The following IGFL3 variants were observed in gnomAD, a reference collection of about 807,000 sequenced individuals.
IGFL3 encodes the protein insulin growth factor-like family member 3.
In IGFL3, 12 loss-of-function variants were observed where a neutral mutation model predicts 17.0. The observed-to-expected ratio is 0.71, with a 90% CI of 0.45 to 1.14. The LOEUF (loss-of-function observed/expected upper bound fraction) is 1.14. IGFL3 is among the 50% of genes most tolerant of loss of function. IGFL3 has a pLI of 0.00. For synonymous variants in IGFL3, 52 were observed against 57.4 expected (o/e 0.91, Z 0.42); for missense variants, 153 against 151.6 (o/e 1.01, Z -0.05).
rs1971670332 is a variant in IGFL3 at position 46,120,108 on chromosome 19, T to C, written c.*222A>G. 1 of 577,786 alleles carries C rather than the reference T, an allele frequency of 1.7e-6. No individual in the cohort carries two copies. Among genetic ancestry groups the C allele is most frequent in the Admixed American group, 3.2e-5 (1 of 30,864 alleles). The allele number at this position is 577,786 out of a possible 1,614,324, so 35.8% of individuals were successfully genotyped here. A position where few individuals can be genotyped will look rare whatever the true frequency, so the allele number is the denominator to read the frequency against. On this transcript the variant is annotated 3_prime_UTR_variant, in exon 4 of 4. Coordinates refer to ENST00000341415, the MANE Select transcript of IGFL3 (RefSeq NM_207393.2). The stretch of plus-strand genomic sequence containing the variant: ...TGGGGGATTTTATTGCCGATGAAAG[T>C]GGCTCTCAGCGGGAAGGGGAGCTGG...
At chr19:46,123,819 T>C (rs982869732) in intron 3 of IGFL3, 67 bp downstream of exon 3, 2 of 1,504,688 alleles carry the variant, frequency 1.3e-6, no homozygotes, top group Admixed American at 4.2e-5. Flanking sequence ...GGAGTTCCTC[T>C]TCAAGCCCTC....
intron 1 of IGFL3, 48 bp from the exon 2 acceptor site, chr19:46,124,369 A>G: frequency 6.4e-7 from 1 of 1,554,592 alleles, no homozygotes; most frequent in Non-Finnish European, 8.8e-7. Flanking sequence ...GAATGTGACA[A>G]GTATGGAAAA....
At chr19:46,121,840 C>T (rs2146714372) in intron 3 of IGFL3, among the ~76,000 whole-genome samples, 1 of 151,100 alleles carries the variant, frequency 6.6e-6, no homozygotes, top group East Asian at 2.0e-4. Context: ...TAGGTTGGTG[C>T]TTGTGCTGGA....
chr19:46,124,501 G>A (rs1971981902), intron 1 of IGFL3, 124 bp downstream of exon 1: 2 of 1,176,206 alleles, frequency 1.7e-6, no homozygotes, highest in Non-Finnish European at 1.3e-6. Flanking sequence ...CACCCTTTGA[G>A]GTGACTAGTA....
chr19:46,120,429 C>T (rs1971695506), intron 3 of IGFL3, 72 bp from the exon 4 acceptor site: 1 of 1,597,024 alleles, frequency 6.3e-7, no homozygotes, highest in South Asian at 1.1e-5. Context: ...CCTACAAAAG[C>T]AATTTTAACA....
At chr19:46,122,241 T>C (rs1971815380) in intron 3 of IGFL3, among the ~76,000 whole-genome samples, 1 of 151,130 alleles carries the variant, frequency 6.6e-6, no homozygotes, top group African/African-American at 2.5e-5. Flanking sequence ...AGGCAGGCTA[T>C]ATATAATTTG....
Position 46,124,637 on chromosome 19 carries a change from A to G in IGFL3, c.13T>C (p.Cys5Arg), listed in dbSNP as rs1374747677. The change falls in exon 1 of 4, where the codon TGC (cysteine) becomes CGC (arginine). Residue 5 changes from cysteine (C) to arginine (R), a missense_variant. Transcript: ENST00000341415. ...GGGTCCTACTTGCCCAAGATGCAGC[A>G]TCGTGGCCTCATGCTTCCAAAGATG... The part of the protein sequence containing the change: MRPR[C>R]CILALVCWIT... The G allele has an allele frequency of 1.2e-6, 2 of 1,609,524 alleles. No homozygotes were observed. Among genetic ancestry groups the G allele is most frequent in the Admixed American group, 1.7e-5 (1 of 59,694 alleles).
intron 3 of IGFL3, among the ~76,000 whole-genome samples, chr19:46,121,573 A>G (rs1971771746): frequency 6.8e-6 from 1 of 146,616 alleles, no homozygotes. Flanking sequence ...GACAAAGACA[A>G]GAAGAGAGGA....
Position 46,123,804 on chromosome 19 carries a change from A to C in IGFL3, c.350+82T>G. ...GACTCTTTTGCCGTTAGAACTCCACAAACAGGAGTTCCTCTTCAAGCCCTC... is the reference window on the plus strand; with the variant it reads ...GACTCTTTTGCCGTTAGAACTCCACCAACAGGAGTTCCTCTTCAAGCCCTC... On this transcript the variant is annotated intron_variant, in intron 3 of 3. Coordinates refer to ENST00000341415, the MANE Select transcript of IGFL3 (RefSeq NM_207393.2). The C allele has an allele frequency of 2.8e-6, 4 of 1,440,784 alleles. 1 individual carries two copies. Among genetic ancestry groups the C allele is most frequent in the East Asian group, 4.7e-5 (2 of 42,728 alleles). The allele number at this position is 1,440,784 out of a possible 1,614,324, so 89.2% of individuals were successfully genotyped here. A position where few individuals can be genotyped will look rare whatever the true frequency, so the allele number is the denominator to read the frequency against.
chr19:46,120,349 C>G lies in IGFL3; in HGVS notation c.359G>C (p.Arg120Thr), dbSNP rs2146706842. 2 of 1,611,122 alleles carry G rather than the reference C, an allele frequency of 1.2e-6. No homozygotes were observed. The highest frequency in any genetic ancestry group is 4.5e-5 in the East Asian group (2 of 44,374). Residue 120 changes from arginine to threonine, a missense_variant, in exon 4 of 4, where the codon AGG becomes ACG. Physicochemically the swap from Arg to Thr is moderately conservative, Grantham distance 71. Coordinates refer to ENST00000341415, the MANE Select transcript of IGFL3 (RefSeq NM_207393.2). ...GGGTTTTTATGGGTACAGGACGTGCCTCCTGTTCCTATCACAGTGCCCCAA... is the reference window on the plus strand; with the variant it reads ...GGGTTTTTATGGGTACAGGACGTGCGTCCTGTTCCTATCACAGTGCCCCAA... ...PISRSCTRNRRHVLYP is the reference protein window; with the variant it reads ...PISRSCTRNRTHVLYP
chr19:46,121,257 A>G (rs1283824153), intron 3 of IGFL3, among the ~76,000 whole-genome samples: 1 of 149,878 alleles, frequency 6.7e-6, no homozygotes, highest in African/African-American at 2.5e-5. Flanking sequence ...ATGTGGTGGC[A>G]TGTGCATGTA....
At chr19:46,121,700 T>C (rs1971782477) in intron 3 of IGFL3, among the ~76,000 whole-genome samples, 1 of 150,872 alleles carries the variant, frequency 6.6e-6, no homozygotes, top group Non-Finnish European at 1.5e-5. Flanking sequence ...GAAAGGCAGA[T>C]TTTTTAGAAA....
Position 46,123,934 on chromosome 19 carries a change from C to T in IGFL3, c.302G>A (p.Gly101Asp). Reference protein sequence around the residue: ...QKFLVKLRVLGMKSQCHLSPI... With the variant: ...QKFLVKLRVLDMKSQCHLSPI... ...AGATAAGTGACACTGAGACTTCATA[C>T]CCAGAACCCTCAACTTCACAAGAAA... The change falls in exon 3 of 4, where the codon GGT becomes GAT. Residue 101 changes from glycine (G) to aspartate (D), a missense_variant. Physicochemically the swap from Gly to Asp is moderately conservative, Grantham distance 94 (BLOSUM62 -1). Coordinates refer to ENST00000341415, the MANE Select transcript of IGFL3 (RefSeq NM_207393.2). 1 of 1,611,418 alleles carries T rather than the reference C, an allele frequency of 6.2e-7. No individual in the cohort carries two copies. Among genetic ancestry groups the T allele is most frequent in the Non-Finnish European group, 8.5e-7 (1 of 1,179,622 alleles).
chr19:46,123,135 T>C (rs1172590739), intron 3 of IGFL3, among the ~76,000 whole-genome samples: 2 of 150,896 alleles, frequency 1.3e-5, no homozygotes, highest in Non-Finnish European at 2.9e-5. Context: ...TTTAATAGTT[T>C]TTTTAATTTT....
intron 1 of IGFL3, 125 bp from the exon 2 acceptor site, chr19:46,124,446 C>A: frequency 8.3e-7 from 1 of 1,209,256 alleles, no homozygotes; most frequent in Non-Finnish European, 1.2e-6. Context: ...GGGGCTAAGT[C>A]TGTATGGGAT....
rs1971954987 is a variant in IGFL3, at chr19:46,124,173, A to G, written c.80-17T>C. 1 of 1,610,076 alleles carries G rather than the reference A, an allele frequency of 6.2e-7. No homozygotes were observed. Among genetic ancestry groups the G allele is most frequent in the African/African-American group, 1.4e-5 (1 of 73,806 alleles). On this transcript the variant is annotated splice_polypyrimidine_tract_variant and intron_variant, in intron 2 of 3. Coordinates refer to ENST00000341415, the MANE Select transcript of IGFL3 (RefSeq NM_207393.2). ...CAGGAGCGTCTGGGGGCAGACATTG[A>G]TGGTGTACATCCAAGGAAGAACAGA...
intron 1 of IGFL3, 64 bp downstream of exon 1, chr19:46,124,560 GT>G (rs1180445160): frequency 1.4e-6 from 2 of 1,430,460 alleles, no homozygotes; most frequent in Non-Finnish European, 2.0e-6. Flanking sequence ...AATAAATCGG[GT>G]TGAGGTTTGG....
chr19:46,122,639 C>T (rs1971839195), intron 3 of IGFL3, among the ~76,000 whole-genome samples: 1 of 150,980 alleles, frequency 6.6e-6, no homozygotes, highest in Admixed American at 6.6e-5. Context: ...CTGAATATAA[C>T]TTTTAATTAC....
rs767837058 is a variant in IGFL3 at position 46,124,615 on chromosome 19, T to C, written c.25+10A>G. ...GATGAGATGATGTTTGGATTTGGGGTCCTACTTGCCCAAGATGCAGCATCG... is the reference window on the plus strand; with the variant it reads ...GATGAGATGATGTTTGGATTTGGGGCCCTACTTGCCCAAGATGCAGCATCG... On this transcript the variant is annotated intron_variant, in intron 1 of 3. Coordinates refer to ENST00000341415, the MANE Select transcript of IGFL3 (RefSeq NM_207393.2). The C allele has an allele frequency of 6.2e-7, 1 of 1,605,582 alleles. No homozygotes were observed. Among genetic ancestry groups the C allele is most frequent in the Non-Finnish European group, 8.5e-7 (1 of 1,174,844 alleles).
Sources: gnomAD v4.1 joint callset for allele counts (sites outside exome capture counted in the v4.1 genomes callset) on GRCh38, gnomAD v4.1.1 for gene constraint, MANE v1.5 for transcripts, NCBI Gene and HGNC (gene_info 2026-07-23, HGNC 2026-07-21) for gene names.